Variants in CSMD1 observed in about 807,000 individuals in gnomAD.
CSMD1 encodes the protein CUB and Sushi multiple domains 1, also known as CUB and sushi domain-containing protein 1.
A neutral mutation model predicts 417.5 loss-of-function variants in CSMD1; 213 were observed. The ratio of observed to expected loss-of-function variants is 0.51; its 90% CI spans 0.46 to 0.57. CSMD1 has a LOEUF of 0.57. Ranked by LOEUF, CSMD1 falls within the 20% of genes least tolerant of loss-of-function variation. CSMD1 has a pLI of 0.00. For synonymous variants in CSMD1, 2,862 were observed against 1,736.8 expected, an observed-to-expected ratio of 1.65 and a Z score of -16.11; for missense variants, 6,923 against 4,529.7, an observed-to-expected ratio of 1.53 and a Z score of -15.17.
chr8:4,744,062 T>C (rs1478448781), intron 1 of CSMD1, among the ~76,000 whole-genome samples: 1 of 152,200 alleles, frequency 6.6e-6, no homozygotes, highest in East Asian at 1.9e-4. Context: ...TTATGCGGCT[T>C]TGATGATGAT....
At chr8:3,733,869 C>A (rs1189966513) in intron 6 of CSMD1, among the ~76,000 whole-genome samples, 1 of 152,096 alleles carries the variant, frequency 6.6e-6, no homozygotes, top group Non-Finnish European at 1.5e-5. Context: ...ATAAATTAAA[C>A]TTTATCATGG....
At chr8:3,664,453 G>T (rs1798578616) in intron 7 of CSMD1, among the ~76,000 whole-genome samples, 1 of 152,190 alleles carries the variant, frequency 6.6e-6, no homozygotes, top group Non-Finnish European at 1.5e-5. Context: ...AATGGAAATT[G>T]CTCAGAAAGC....
At chr8:4,468,092 C>G (rs1245481676) in intron 2 of CSMD1, among the ~76,000 whole-genome samples, 1 of 152,206 alleles carries the variant, frequency 6.6e-6, no homozygotes. Context: ...CTGCACTGTT[C>G]TGATGAACCG....
At chr8:4,627,777 G>A (rs898672229) in intron 2 of CSMD1, among the ~76,000 whole-genome samples, 2 of 152,090 alleles carry the variant, frequency 1.3e-5, no homozygotes, top group Non-Finnish European at 2.9e-5. Flanking sequence ...GCCTTGAACA[G>A]AAAAATAATG....
chr8:3,588,981 C>G (rs943567861), intron 8 of CSMD1, among the ~76,000 whole-genome samples: 2 of 152,112 alleles, frequency 1.3e-5, no homozygotes, highest in Non-Finnish European at 2.9e-5. Flanking sequence ...TGGAAAGGTG[C>G]TCCGTGTCAC....
At chr8:4,073,398 TAGA>T (rs965401743) in intron 3 of CSMD1, among the ~76,000 whole-genome samples, 1 of 152,104 alleles carries the variant, frequency 6.6e-6, no homozygotes, top group African/African-American at 2.4e-5. Context: ...AAAGTAAATT[TAGA>T]AGAAGCTGAG....
intron 41 of CSMD1, among the ~76,000 whole-genome samples, chr8:3,141,254 C>T (rs890567978): frequency 2.6e-5 from 4 of 152,108 alleles, no homozygotes; most frequent in African/African-American, 7.2e-5. Context: ...TCTGTGAAAC[C>T]GCCTTTACAA....
In CSMD1 at chr8:3,095,789, G is replaced by T. The variant is rs186090050; in HGVS notation, c.7138+1060C>A. Among the ~76,000 whole-genome samples the T allele has an allele frequency of 3.3e-5, 5 of 152,212 alleles. No homozygotes were observed. In the East Asian group the frequency reaches 9.6e-4, roughly 29 times the overall value. On this transcript the variant is annotated intron_variant, in intron 47 of 69. Coordinates refer to ENST00000635120, the MANE Select transcript of CSMD1 (RefSeq NM_033225.6). ...CTGGGCTATGACGGTTTCACACAAA[G>T]AGAAATATTAACATTCCTTCCATTT...
intron 5 of CSMD1, among the ~76,000 whole-genome samples, chr8:3,983,835 C>A (rs573300296): frequency 5.9e-5 from 9 of 151,730 alleles, no homozygotes; most frequent in African/African-American, 9.7e-5. Flanking sequence ...CCTGGCAGAT[C>A]TGGCCGGCTG....
intron 37 of CSMD1, among the ~76,000 whole-genome samples, chr8:3,180,501 G>C (rs1224171005): frequency 1.3e-5 from 2 of 152,078 alleles, no homozygotes; most frequent in Non-Finnish European, 2.9e-5. Flanking sequence ...TAAAAAACTA[G>C]TAATATTACA....
intron 1 of CSMD1, among the ~76,000 whole-genome samples, chr8:4,732,359 G>GTGTC: frequency 6.8e-6 from 1 of 147,856 alleles, no homozygotes; most frequent in African/African-American, 2.5e-5. Flanking sequence ...GTGTGTGTGT[G>GTGTC]TGTGTGTGTG....
Position 4,349,810 on chromosome 8 carries a change from A to G in CSMD1, c.415+70143T>C, listed in dbSNP as rs141586751. Among the ~76,000 whole-genome samples, 325 of 147,752 alleles carry G rather than the reference A, an allele frequency of 2.2e-3. 1 individual carries two copies. Among genetic ancestry groups the G allele is most frequent in the Admixed American group, 6.1e-3 (92 of 15,026 alleles). Reference sequence around the variant, plus strand: ...TGTCTCAATTGCTTAAAATTAAAATATGATATGACCTTTTTTTTTTTTTTT... The same window carrying G: ...TGTCTCAATTGCTTAAAATTAAAATGTGATATGACCTTTTTTTTTTTTTTT... On this transcript the variant is annotated intron_variant, in intron 3 of 69. Transcript: ENST00000635120.
At chr8:2,957,668 T>G in intron 63 of CSMD1, 28 bp downstream of exon 63, 1 of 1,358,974 alleles carries the variant, frequency 7.4e-7, no homozygotes, top group Non-Finnish European at 1.0e-6. Flanking sequence ...AGGTGACTTG[T>G]GATGGGGGTG....
chr8:4,010,051 T>A (rs1451436106), intron 4 of CSMD1, among the ~76,000 whole-genome samples: 1 of 152,178 alleles, frequency 6.6e-6, no homozygotes, highest in Non-Finnish European at 1.5e-5. Flanking sequence ...AAACTGAAAG[T>A]CAATTATAAA....
At chr8:4,414,439 T>C (rs1796816503) in intron 3 of CSMD1, among the ~76,000 whole-genome samples, 1 of 152,214 alleles carries the variant, frequency 6.6e-6, no homozygotes, top group South Asian at 2.1e-4. Flanking sequence ...AATGGATTAA[T>C]AAATACTGAT....
At chr8:4,775,293 A>G (rs141484115) in intron 1 of CSMD1, among the ~76,000 whole-genome samples, 1 of 151,342 alleles carries the variant, frequency 6.6e-6, no homozygotes, top group East Asian at 1.9e-4. Flanking sequence ...GTCCAGCATA[A>G]AGTCTCCAGA....
At chr8:4,000,506 G>T (rs548415473) in intron 4 of CSMD1, among the ~76,000 whole-genome samples, 1 of 152,326 alleles carries the variant, frequency 6.6e-6, no homozygotes, top group South Asian at 2.1e-4. Context: ...GCAGAATTCA[G>T]CTCTAAGCCC....
chr8:4,296,147 G>T (rs181382343), intron 3 of CSMD1, among the ~76,000 whole-genome samples: 1 of 152,054 alleles, frequency 6.6e-6, no homozygotes, highest in Non-Finnish European at 1.5e-5. Flanking sequence ...GAAAATGGAA[G>T]GTGTGGTCAA....
chr8:4,044,331 A>G lies in CSMD1; in HGVS notation c.416-12232T>C, dbSNP rs576483738. Among the ~76,000 whole-genome samples, 190 of 152,360 alleles carry G rather than the reference A, an allele frequency of 1.2e-3. 1 individual carries two copies. The highest frequency in any genetic ancestry group is 4.3e-3 in the African/African-American group (178 of 41,578). Reference sequence around the variant, plus strand: ...GAAAATTGATGCAACACTTAAAAATAACACAATGCAATTCTGTTTAGTATT... The same window carrying G: ...GAAAATTGATGCAACACTTAAAAATGACACAATGCAATTCTGTTTAGTATT... On this transcript the variant is annotated intron_variant, in intron 3 of 69. Coordinates refer to ENST00000635120, the MANE Select transcript of CSMD1 (RefSeq NM_033225.6).
Sources: gnomAD v4.1 joint callset for allele counts (sites outside exome capture counted in the v4.1 genomes callset) on GRCh38, gnomAD v4.1.1 for gene constraint, MANE v1.5 for transcripts, NCBI Gene and HGNC (gene_info 2026-07-23, HGNC 2026-07-21) for gene names.